The following IPO11 variants were observed in gnomAD, a reference collection of about 807,000 sequenced individuals.
IPO11 encodes importin 11.
IPO11 carries 66 observed loss-of-function variants against 143.2 expected under a neutral mutation model. That is an observed-to-expected ratio of 0.46 (90% CI 0.38 to 0.57). The LOEUF (loss-of-function observed/expected upper bound fraction) is 0.57. IPO11 is among the 20% of genes least tolerant of loss of function. The pLI is 0.00. For synonymous variants in IPO11, 385 were observed against 377.8 expected, an observed-to-expected ratio of 1.02 and a Z score of -0.22; for missense variants, 1,026 against 1,141.0, an observed-to-expected ratio of 0.90 and a Z score of 1.45.
chr5:62,536,641 T>C, intron 22 of IPO11, 61 bp from the exon 23 acceptor site: 1 of 1,534,780 alleles, frequency 6.5e-7, no homozygotes, highest in South Asian at 1.3e-5. Context: ...TCACTTCATT[T>C]AAACTAATTT....
intron 16 of IPO11, among the ~76,000 whole-genome samples, chr5:62,498,352 C>T (rs938660048): frequency 6.6e-6 from 1 of 152,140 alleles, no homozygotes; most frequent in Non-Finnish European, 1.5e-5. Flanking sequence ...TACATTCTCC[C>T]TTCCTTTCCC....
intron 16 of IPO11, among the ~76,000 whole-genome samples, chr5:62,494,654 A>G (rs906441320): frequency 2.0e-5 from 3 of 152,134 alleles, no homozygotes; most frequent in African/African-American, 7.2e-5. Flanking sequence ...TTGCTGCTTT[A>G]TTATAAAATT....
rs1746311158 is a variant in IPO11, at chr5:62,484,134, A to T, written c.1146A>T (p.Thr382=). 1 of 1,605,692 alleles carries T rather than the reference A, an allele frequency of 6.2e-7. No homozygotes were observed. The highest frequency in any genetic ancestry group is 8.5e-7 in the Non-Finnish European group (1 of 1,177,802). Residue 382 remains threonine (T), a synonymous_variant, in exon 11 of 30, where the codon ACA becomes ACT. Transcript: ENST00000325324. ...TCCTATTAACTGAAGAAGAACTGACAATGTGGGAAGAAGACCCAGAAGGCT... is the reference window on the plus strand; with the variant it reads ...TCCTATTAACTGAAGAAGAACTGACTATGTGGGAAGAAGACCCAGAAGGCT... ...HYFLLTEEEL[T]MWEEDPEGFT...
chr5:62,507,263 C>T (rs995511567), intron 19 of IPO11, among the ~76,000 whole-genome samples: 6 of 152,152 alleles, frequency 3.9e-5, no homozygotes, highest in Non-Finnish European at 2.9e-5. Context: ...ATGCGACTCC[C>T]GTGGTAGGGT....
At chr5:62,548,150 A>G (rs1409058264) in intron 24 of IPO11, among the ~76,000 whole-genome samples, 1 of 151,392 alleles carries the variant, frequency 6.6e-6, no homozygotes, top group Non-Finnish European at 1.5e-5. Flanking sequence ...TGATTCCTCT[A>G]TTTCTTCTTC....
chr5:62,485,340 A>C, intron 11 of IPO11, 79 bp from the exon 12 acceptor site: 1 of 1,131,244 alleles, frequency 8.8e-7, no homozygotes, highest in Non-Finnish European at 1.3e-6. Flanking sequence ...TCACAAAAAT[A>C]TTATACTGAT....
At chr5:62,462,397 T>C (rs1247652880) in intron 5 of IPO11, among the ~76,000 whole-genome samples, 1 of 152,092 alleles carries the variant, frequency 6.6e-6, no homozygotes, top group Non-Finnish European at 1.5e-5. Context: ...GAGGATTTTA[T>C]GTTGAATATG....
At chr5:62,426,055 T>C (rs576616877) in intron 1 of IPO11, among the ~76,000 whole-genome samples, 4 of 152,314 alleles carry the variant, frequency 2.6e-5, no homozygotes, top group African/African-American at 9.6e-5. Context: ...TGACTCTTGG[T>C]AAACACTGCC....
At chr5:62,492,688 G>T (rs1746661572) in intron 15 of IPO11, among the ~76,000 whole-genome samples, 1 of 152,042 alleles carries the variant, frequency 6.6e-6, no homozygotes, top group South Asian at 2.1e-4. Flanking sequence ...GGACCACGAT[G>T]TGTGCCACCA....
At chr5:62,540,225 G>A (rs993891825) in intron 24 of IPO11, among the ~76,000 whole-genome samples, 7 of 151,910 alleles carry the variant, frequency 4.6e-5, no homozygotes, top group African/African-American at 1.7e-4. Flanking sequence ...CTTGGTTTGC[G>A]TATGCTGCCC....
intron 27 of IPO11, among the ~76,000 whole-genome samples, chr5:62,588,265 C>T (rs1376988739): frequency 6.6e-6 from 1 of 151,140 alleles, no homozygotes; most frequent in Admixed American, 6.6e-5. Flanking sequence ...CTTGCTTTGT[C>T]ACCCATGCTG....
chr5:62,467,215 G>A lies in IPO11; in HGVS notation c.601G>A (p.Glu201Lys). 6.2e-7 allele frequency: 1 copy of A among 1,614,032 alleles called. No individual in the cohort carries two copies. Among genetic ancestry groups the A allele is most frequent in the Non-Finnish European group, 8.5e-7 (1 of 1,179,948 alleles). Reference sequence around the variant, plus strand: ...CCTGCAAGAAGTTTCTTCTGGCAATGAAGCTGCAATTTTGAGTTCACTAGA... The same window carrying A: ...CCTGCAAGAAGTTTCTTCTGGCAATAAAGCTGCAATTTTGAGTTCACTAGA... ...TFLQEVSSGN[E>K]AAILSSLERT... Residue 201 changes from glutamate to lysine, a missense_variant, in exon 6 of 30, where the codon GAA (glutamate) becomes AAA (lysine). By Grantham distance (56) the Glu-to-Lys change is moderately conservative. Transcript: ENST00000325324.
chr5:62,474,245 A>G (rs540813908), intron 7 of IPO11, among the ~76,000 whole-genome samples, 171 bp from the exon 8 acceptor site: 1 of 152,304 alleles, frequency 6.6e-6, no homozygotes, highest in South Asian at 2.1e-4. Flanking sequence ...TTTCCTGTGG[A>G]CGACTTGTTT....
chr5:62,627,425 T>C lies in IPO11; in HGVS notation c.*107T>C. Reference sequence around the variant, plus strand: ...AGATGAAGAAATCACTTCATGAAAATAAGCAAAGACCACACATTTTTTACT... The same window carrying C: ...AGATGAAGAAATCACTTCATGAAAACAAGCAAAGACCACACATTTTTTACT... On this transcript the variant is annotated 3_prime_UTR_variant, in exon 30 of 30. Transcript: ENST00000325324. 1 of 1,063,782 alleles carries C rather than the reference T, an allele frequency of 9.4e-7. No homozygotes were observed. The highest frequency in any genetic ancestry group is 1.3e-6 in the Non-Finnish European group (1 of 743,162). 65.9% of individuals were successfully genotyped at this position (1,063,782 alleles called of 1,614,324 possible).
At chr5:62,494,393 C>T (rs903524369) in intron 16 of IPO11, among the ~76,000 whole-genome samples, 24 of 151,608 alleles carry the variant, frequency 1.6e-4, no homozygotes, top group Admixed American at 1.6e-3. Flanking sequence ...TTAAAAAATC[C>T]CTTTATAGCT....
At chr5:62,473,028 G>T (rs1446389561) in intron 7 of IPO11, among the ~76,000 whole-genome samples, 4 of 152,080 alleles carry the variant, frequency 2.6e-5, no homozygotes, top group African/African-American at 9.7e-5. Context: ...GGATCTTGGT[G>T]ACCTAATTCT....
At position 62,556,757 on chromosome 5, in the gene IPO11, T is replaced by C. The variant is rs182593292; in HGVS notation, c.2461-4379T>C. ...AAGTTTCAGTGATTTGGATATCACT[T>C]CCAAAACAACCTACTTTTTATTACT... is the stretch of plus-strand genomic sequence containing the variant. On this transcript the variant is annotated intron_variant, in intron 26 of 29. Coordinates refer to ENST00000325324, the MANE Select transcript of IPO11 (RefSeq NM_016338.5). Among the ~76,000 whole-genome samples the C allele has an allele frequency of 5.3e-3, 812 of 152,322 alleles. 7 individuals carry two copies. Among genetic ancestry groups the C allele is most frequent in the Middle Eastern group, 0.024 (7 of 294 alleles).
In IPO11 at chr5:62,454,615, G is replaced by A. The variant is rs144448537; in HGVS notation, c.516+2682G>A. Reference sequence around the variant, plus strand: ...GTTAGCTTCTTGCTTGTTTTTTTTTGTAGTATGAGGCTAGTTCTTCTCCAT... The same window carrying A: ...GTTAGCTTCTTGCTTGTTTTTTTTTATAGTATGAGGCTAGTTCTTCTCCAT... On this transcript the variant is annotated intron_variant, in intron 5 of 29. Transcript: ENST00000325324. Among the ~76,000 whole-genome samples, 24 of 151,696 alleles carry A rather than the reference G, an allele frequency of 1.6e-4. No individual in the cohort carries two copies. In the South Asian group the frequency reaches 4.4e-3, roughly 28 times the overall value.
In IPO11 at chr5:62,506,359, T is replaced by C. The variant is rs1164473315; in HGVS notation, c.1782+2T>C. 1 of 1,531,826 alleles carries C rather than the reference T, an allele frequency of 6.5e-7. No individual in the cohort carries two copies. The highest frequency in any genetic ancestry group is 9.0e-7 in the Non-Finnish European group (1 of 1,108,606). The allele number at this position is 1,531,826 out of a possible 1,614,324, so 94.9% of individuals were successfully genotyped here. On this transcript the variant is annotated splice_donor_variant, in intron 19 of 29. Coordinates refer to ENST00000325324, the MANE Select transcript of IPO11 (RefSeq NM_016338.5). LOFTEE classifies it high-confidence loss of function. ...GTGATCGAAAGAGTCAACATGCAGG[T>C]AATTATATTGTAAAACATGAAAATA...
Sources: gnomAD v4.1 joint callset for allele counts (sites outside exome capture counted in the v4.1 genomes callset) on GRCh38, gnomAD v4.1.1 for gene constraint, MANE v1.5 for transcripts, NCBI Gene and HGNC (gene_info 2026-07-23, HGNC 2026-07-21) for gene names.